Variants in NCAM2 observed in about 807,000 individuals in gnomAD.
NCAM2 encodes the protein neural cell adhesion molecule 2, also known as N-CAM-2.
NCAM2 carries 30 observed loss-of-function variants against 98.1 expected under a neutral mutation model. The observed-to-expected ratio is 0.31, with a 90% confidence interval of 0.23 to 0.41. NCAM2 has a LOEUF of 0.41. Among genes scored for constraint, NCAM2 ranks in the 10% least tolerant of loss-of-function variants. The pLI, the probability that NCAM2 is intolerant of heterozygous loss-of-function variation, is 1.00. For synonymous variants in NCAM2, 368 were observed against 342.4 expected (o/e 1.07, Z -0.83); for missense variants, 867 against 1,005.8 (o/e 0.86, Z 1.87).
intron 1 of NCAM2, among the ~76,000 whole-genome samples, chr21:21,066,196 AT>A (rs149065248): frequency 0.036 from 5,406 of 152,266 alleles, 128 homozygotes; most frequent in East Asian, 0.1. Context: ...TTGCTGATGA[AT>A]TTATCATTTT....
intron 15 of NCAM2, among the ~76,000 whole-genome samples, chr21:21,496,406 A>G (rs1987238692): frequency 6.6e-6 from 1 of 152,056 alleles, no homozygotes; most frequent in Non-Finnish European, 1.5e-5. Context: ...AGCCACTTGT[A>G]TATCTTCTTT....
At chr21:21,236,332 G>A (rs1263141049) in intron 1 of NCAM2, among the ~76,000 whole-genome samples, 2 of 151,952 alleles carry the variant, frequency 1.3e-5, no homozygotes, top group South Asian at 2.1e-4. Context: ...TGGAGAATTC[G>A]TTGATATCAC....
intron 1 of NCAM2, among the ~76,000 whole-genome samples, chr21:21,264,342 C>T (rs930175720): frequency 6.6e-6 from 1 of 151,830 alleles, no homozygotes; most frequent in Admixed American, 6.6e-5. Context: ...AAGTCAAAAA[C>T]TAACAGATGT....
At chr21:21,425,211 A>G (rs2077190719) in intron 11 of NCAM2, among the ~76,000 whole-genome samples, 1 of 152,056 alleles carries the variant, frequency 6.6e-6, no homozygotes, top group African/African-American at 2.4e-5. Context: ...AAATGTACGT[A>G]TGTAACTAAC....
At chr21:21,215,415 A>G (rs1279073687) in intron 1 of NCAM2, among the ~76,000 whole-genome samples, 2 of 152,158 alleles carry the variant, frequency 1.3e-5, no homozygotes, top group African/African-American at 4.8e-5. Flanking sequence ...GCTCTAATAA[A>G]TAGAGTTTGT....
At chr21:21,225,977 AT>A (rs1197064610) in intron 1 of NCAM2, among the ~76,000 whole-genome samples, 2 of 152,144 alleles carry the variant, frequency 1.3e-5, no homozygotes, top group Non-Finnish European at 2.9e-5. Context: ...CTAGGCCACC[AT>A]AAAAAGAATG....
chr21:21,025,090 CTT>C (rs750037334), intron 1 of NCAM2, among the ~76,000 whole-genome samples: 2 of 146,200 alleles, frequency 1.4e-5, no homozygotes, highest in African/African-American at 2.5e-5. Flanking sequence ...AGGACTATAA[CTT>C]TTTTTTTTTT....
chr21:21,275,051 T>C (rs2072671871), intron 1 of NCAM2, among the ~76,000 whole-genome samples: 1 of 152,158 alleles, frequency 6.6e-6, no homozygotes, highest in Admixed American at 6.5e-5. Context: ...CTCTGGGTGC[T>C]TACTTATAAA....
chr21:21,194,614 A>G (rs902544605), intron 1 of NCAM2, among the ~76,000 whole-genome samples: 1 of 152,158 alleles, frequency 6.6e-6, no homozygotes, highest in Non-Finnish European at 1.5e-5. Context: ...TATGTACAAA[A>G]TTGGCAGCTA....
intron 9 of NCAM2, among the ~76,000 whole-genome samples, chr21:21,394,798 C>A (rs1282290652): frequency 2.0e-5 from 3 of 152,070 alleles, no homozygotes; most frequent in Non-Finnish European, 4.4e-5. Flanking sequence ...CTAAGAAAGA[C>A]AATCTATTAC....
At position 21,432,234 on chromosome 21, in the gene NCAM2, A is replaced by G; in HGVS notation, c.1607A>G (p.Glu536Gly). ...PIHHYQVDVK[E>G]VASEIWKIVR... ...CATCACTATCAGGTGGATGTCAAAG[A>G]AGTAGCGTCAGAAATCTGGAAAATT... Residue 536 changes from glutamate to glycine, a missense_variant, in exon 12 of 18, where the codon GAA becomes GGA. Around this residue, in one of 5 missense-constraint regions of NCAM2, gnomAD observed 234 missense variants for 333.8 expected, o/e 0.70. Coordinates refer to ENST00000400546, the MANE Select transcript of NCAM2 (RefSeq NM_004540.5). The G allele has an allele frequency of 1.2e-6, 2 of 1,614,130 alleles. No homozygotes were observed. Among genetic ancestry groups the G allele is most frequent in the South Asian group, 2.2e-5 (2 of 91,086 alleles).
intron 15 of NCAM2, among the ~76,000 whole-genome samples, chr21:21,478,513 A>G (rs1462725854): frequency 6.6e-6 from 1 of 152,010 alleles, no homozygotes; most frequent in Non-Finnish European, 1.5e-5. Context: ...GTTATATCAT[A>G]CATCAGTTGT....
chr21:21,111,393 A>G (rs1195524094), intron 1 of NCAM2, among the ~76,000 whole-genome samples: 1 of 152,188 alleles, frequency 6.6e-6, no homozygotes, highest in Non-Finnish European at 1.5e-5. Context: ...AGGCATGGAA[A>G]TGGGTTGGCA....
chr21:21,106,076 AAAG>A (rs2066339270), intron 1 of NCAM2, among the ~76,000 whole-genome samples: 1 of 152,000 alleles, frequency 6.6e-6, no homozygotes, highest in South Asian at 2.1e-4. Flanking sequence ...TTTACCAAAA[AAAG>A]GACAGTAGCT....
Position 21,373,903 on chromosome 21 carries a change from G to A in NCAM2, c.1085G>A (p.Ser362Asn). ...GRIEVKGQHGSSSLHIKDVKL... is the reference protein window; with the variant it reads ...GRIEVKGQHGNSSLHIKDVKL... ...ATCGAAGTCAAAGGGCAGCATGGAA[G>A]CTCATCACTGCATATTAAAGATGTG... The change falls in exon 9 of 18, where the codon AGC becomes AAC. Residue 362 changes from serine to asparagine, a missense_variant. Around this residue, in one of 5 missense-constraint regions of NCAM2, gnomAD observed 447 missense variants for 495.7 expected, o/e 0.90. Coordinates refer to ENST00000400546, the MANE Select transcript of NCAM2 (RefSeq NM_004540.5). The A allele has an allele frequency of 6.2e-7, 1 of 1,610,324 alleles. No homozygotes were observed. The highest frequency in any genetic ancestry group is 1.1e-5 in the South Asian group (1 of 90,872).
chr21:21,243,712 G>A (rs1014690895), intron 1 of NCAM2, among the ~76,000 whole-genome samples: 6 of 152,100 alleles, frequency 3.9e-5, no homozygotes, highest in Admixed American at 2.6e-4. Flanking sequence ...GAAGATGGAC[G>A]TGTTCCATGG....
At chr21:21,531,068 CTTTT>C (rs1240076287) in intron 16 of NCAM2, among the ~76,000 whole-genome samples, 2 of 151,932 alleles carry the variant, frequency 1.3e-5, no homozygotes, top group Non-Finnish European at 2.9e-5. Flanking sequence ...GAGCTTGTTT[CTTTT>C]TTTGGTTACT....
intron 12 of NCAM2, among the ~76,000 whole-genome samples, chr21:21,454,520 G>A (rs1981832170): frequency 6.6e-6 from 1 of 151,914 alleles, no homozygotes; most frequent in Admixed American, 6.6e-5. Flanking sequence ...ATATGACTGT[G>A]TTCAAAATAA....
chr21:21,498,690 G>T (rs1033210591), intron 15 of NCAM2, among the ~76,000 whole-genome samples: 1 of 152,102 alleles, frequency 6.6e-6, no homozygotes, highest in African/African-American at 2.4e-5. Flanking sequence ...CAGAGTAAAA[G>T]ATTAGAACAC....
Sources: allele counts gnomAD v4.1 joint callset (sites outside exome capture counted in the v4.1 genomes callset), GRCh38; gene constraint gnomAD v4.1.1; regional missense constraint gnomAD v4.1.1; transcripts MANE v1.5; gene names NCBI Gene and HGNC (gene_info 2026-07-23, HGNC 2026-07-21).